SAMTOR: variants seen among roughly 807,000 people sequenced by gnomAD.
SAMTOR encodes S-adenosylmethionine sensor upstream of mTORC1.
the SAMTOR span, among the ~76,000 whole-genome samples, chr7:112,902,416 C>CAAAAAAAAAAACA: frequency 8.1e-5 from 1 of 12,320 alleles, no homozygotes; most frequent in Non-Finnish European, 1.4e-4. Flanking sequence ...AACTCCGTCT[C>CAAAAAAAAAAACA]AAAAAAAAAA....
At chr7:112,898,099 G>A in the SAMTOR span, among the ~76,000 whole-genome samples, 1 of 152,344 alleles carries the variant, frequency 6.6e-6, no homozygotes, top group East Asian at 1.9e-4. Context: ...GGTGCCCACA[G>A]GGGGCATTTA....
At chr7:112,939,773 C>G in the SAMTOR span, 4 of 1,572,902 alleles carry the variant, frequency 2.5e-6, no homozygotes, top group Non-Finnish European at 3.4e-6. Flanking sequence ...GCCGCCGCCG[C>G]CGCCCCTCAG....
chr7:112,935,111 C>A, the SAMTOR span: 1 of 323,784 alleles, frequency 3.1e-6, no homozygotes, highest in South Asian at 2.5e-5. Context: ...GGCAAATATT[C>A]TATCACAAAA....
At chr7:112,833,559 A>T in the SAMTOR span, among the ~76,000 whole-genome samples, 1 of 152,156 alleles carries the variant, frequency 6.6e-6, no homozygotes, top group South Asian at 2.1e-4. Context: ...GATCTTCCCT[A>T]GTAAAAGCAG....
chr7:112,878,169 A>C, the SAMTOR span, among the ~76,000 whole-genome samples: 1 of 152,162 alleles, frequency 6.6e-6, no homozygotes, highest in African/African-American at 2.4e-5. Flanking sequence ...TAGTTTAATA[A>C]AATTAATTTT....
At chr7:112,837,918 A>G in the SAMTOR span, among the ~76,000 whole-genome samples, 4 of 151,992 alleles carry the variant, frequency 2.6e-5, no homozygotes, top group African/African-American at 4.8e-5. Flanking sequence ...CAACAGCACT[A>G]TAACTCATGC....
the SAMTOR span, among the ~76,000 whole-genome samples, chr7:112,850,747 T>C: frequency 2.6e-5 from 4 of 152,212 alleles, no homozygotes; most frequent in African/African-American, 9.6e-5. Flanking sequence ...GCAGTATCAG[T>C]TGTAATGTCA....
chr7:112,832,804 G>A, the SAMTOR span: 4 of 594,868 alleles, frequency 6.7e-6, no homozygotes, highest in Admixed American at 3.1e-5. Context: ...CGGCCCCAAT[G>A]AGCTTTCATT....
chr7:112,833,841 A>G, the SAMTOR span, among the ~76,000 whole-genome samples: 1 of 152,212 alleles, frequency 6.6e-6, no homozygotes, highest in East Asian at 1.9e-4. Context: ...TTTGCATAAA[A>G]TATACACTCA....
At chr7:112,902,507 G>A in the SAMTOR span, among the ~76,000 whole-genome samples, 1 of 148,784 alleles carries the variant, frequency 6.7e-6, no homozygotes, top group South Asian at 2.1e-4. Context: ...CGGCACAAAG[G>A]ATTTTTAGGG....
At chr7:112,914,558 C>A in the SAMTOR span, among the ~76,000 whole-genome samples, 28 of 151,892 alleles carry the variant, frequency 1.8e-4, no homozygotes, top group African/African-American at 6.3e-4. Flanking sequence ...TATCCAAAGT[C>A]AATATAAATG....
chr7:112,829,104 G>T, the SAMTOR span, among the ~76,000 whole-genome samples: 6 of 152,034 alleles, frequency 3.9e-5, no homozygotes, highest in Non-Finnish European at 8.8e-5. Flanking sequence ...CCTTTTGGGG[G>T]ATTCCAATTA....
chr7:112,879,476 G>A, the SAMTOR span, among the ~76,000 whole-genome samples: 3 of 152,154 alleles, frequency 2.0e-5, no homozygotes, highest in East Asian at 5.8e-4. Flanking sequence ...AGATAACATC[G>A]CAGTGACAGA....
chr7:112,906,645 T>C, the SAMTOR span, among the ~76,000 whole-genome samples: 1 of 151,224 alleles, frequency 6.6e-6, no homozygotes, highest in Non-Finnish European at 1.5e-5. Flanking sequence ...CTTGGCTCAC[T>C]GCAACCTCCT....
At chr7:112,913,807 A>G in the SAMTOR span, among the ~76,000 whole-genome samples, 1 of 152,054 alleles carries the variant, frequency 6.6e-6, no homozygotes, top group African/African-American at 2.4e-5. Flanking sequence ...CATTTCCTTT[A>G]TATCATTGGC....
chr7:112,928,266 T>A, the SAMTOR span, among the ~76,000 whole-genome samples: 1 of 152,080 alleles, frequency 6.6e-6, no homozygotes, highest in African/African-American at 2.4e-5. Context: ...TTATTTAGAG[T>A]TGATATTATT....
the SAMTOR span, among the ~76,000 whole-genome samples, chr7:112,861,627 A>G: frequency 6.6e-6 from 1 of 152,286 alleles, no homozygotes; most frequent in East Asian, 1.9e-4. Context: ...TTTTCTTATT[A>G]ATAAATCTGA....
the SAMTOR span, among the ~76,000 whole-genome samples, chr7:112,921,470 G>A: frequency 1.3e-5 from 2 of 151,008 alleles, no homozygotes; most frequent in African/African-American, 2.4e-5. Flanking sequence ...AGACTTAAAC[G>A]TTAGACCTAA....
At chr7:112,830,749 C>T in the SAMTOR span, among the ~76,000 whole-genome samples, 1 of 152,182 alleles carries the variant, frequency 6.6e-6, no homozygotes, top group Non-Finnish European at 1.5e-5. Context: ...TTTAATCATG[C>T]TCATCAAAAT....
Sources: gnomAD v4.1 joint callset for allele counts (sites outside exome capture counted in the v4.1 genomes callset) on GRCh38, gnomAD v4.1.1 for gene constraint, MANE v1.5 for transcripts, NCBI Gene and HGNC (gene_info 2026-07-23, HGNC 2026-07-21) for gene names.